Variants in GULP1 observed in about 807,000 individuals in gnomAD.
GULP1 encodes the protein GULP PTB domain containing engulfment adaptor 1, also known as PTB domain-containing engulfment adapter protein 1.
Under a neutral mutation model 40.9 loss-of-function variants are expected in GULP1, and 19 were observed. That is an observed-to-expected ratio of 0.46 (90% CI 0.32 to 0.68). GULP1 has a LOEUF of 0.68. Ranked by LOEUF, GULP1 falls within the 30% of genes least tolerant of loss-of-function variation. The pLI, the probability that GULP1 is intolerant of heterozygous loss-of-function variation, is 0.03. For missense variants in GULP1, 312 were observed against 362.2 expected, an observed-to-expected ratio of 0.86 and a Z score of 1.12; for synonymous variants, 119 against 117.6, an observed-to-expected ratio of 1.01 and a Z score of -0.08.
At chr2:188,547,430 C>T (rs1203494002) in intron 7 of GULP1, among the ~76,000 whole-genome samples, 1 of 152,070 alleles carries the variant, frequency 6.6e-6, no homozygotes, top group Non-Finnish European at 1.5e-5. Flanking sequence ...ATAGGCCCAT[C>T]TGCAAGCTGA....
chr2:188,572,659 T>C (rs1375196618), intron 9 of GULP1, among the ~76,000 whole-genome samples: 1 of 152,234 alleles, frequency 6.6e-6, no homozygotes, highest in Non-Finnish European at 1.5e-5. Flanking sequence ...CTTAAAATCT[T>C]ATCATATGAT....
chr2:188,499,866 C>T (rs536800686), intron 4 of GULP1, among the ~76,000 whole-genome samples: 5 of 151,890 alleles, frequency 3.3e-5, no homozygotes, highest in Admixed American at 6.6e-5. Context: ...CAACCTTCTG[C>T]ATTGAAGTAT....
At chr2:188,592,443 G>T (rs1396571603) in intron 11 of GULP1, 2 of 151,884 alleles carry the variant, frequency 1.3e-5, no homozygotes, top group African/African-American at 4.8e-5. Flanking sequence ...TTTGCTGGCT[G>T]TTTGAAAAAT....
chr2:188,570,452 T>G (rs1342659540), intron 9 of GULP1, among the ~76,000 whole-genome samples: 1 of 152,206 alleles, frequency 6.6e-6, no homozygotes, highest in East Asian at 1.9e-4. Flanking sequence ...TGGGTTAGAT[T>G]TAATGACCTA....
intron 1 of GULP1, among the ~76,000 whole-genome samples, chr2:188,330,667 CA>C (rs2041447138): frequency 6.6e-6 from 1 of 151,956 alleles, no homozygotes; most frequent in Admixed American, 6.6e-5. Context: ...TCTTTATTAC[CA>C]AAAACAGTAG....
chr2:188,565,839 T>C (rs891181378), intron 7 of GULP1, among the ~76,000 whole-genome samples: 2 of 152,070 alleles, frequency 1.3e-5, no homozygotes, highest in African/African-American at 4.8e-5. Context: ...GAAATGCTAA[T>C]CAGCAACAAA....
At chr2:188,344,636 T>C (rs543999033) in intron 1 of GULP1, among the ~76,000 whole-genome samples, 1 of 152,176 alleles carries the variant, frequency 6.6e-6, no homozygotes, top group African/African-American at 2.4e-5. Flanking sequence ...ATTTCCAGAA[T>C]TGATTTCAGA....
At chr2:188,297,279 C>G (rs1050364052) in intron 1 of GULP1, among the ~76,000 whole-genome samples, 2 of 151,846 alleles carry the variant, frequency 1.3e-5, no homozygotes, top group African/African-American at 4.8e-5. Context: ...TGATGGCATA[C>G]TCATGGAAGC....
intron 2 of GULP1, among the ~76,000 whole-genome samples, chr2:188,446,077 C>T (rs757166485): frequency 6.6e-6 from 1 of 152,164 alleles, no homozygotes. Context: ...GACCCATATT[C>T]ATTTCCCTAC....
intron 4 of GULP1, among the ~76,000 whole-genome samples, chr2:188,484,828 G>C (rs2061726492): frequency 6.6e-6 from 1 of 152,112 alleles, no homozygotes; most frequent in Non-Finnish European, 1.5e-5. Flanking sequence ...TGACTTACCA[G>C]CAAAGAAATC....
intron 2 of GULP1, among the ~76,000 whole-genome samples, chr2:188,391,233 C>G (rs528612208): frequency 2.6e-5 from 4 of 152,180 alleles, no homozygotes; most frequent in African/African-American, 9.6e-5. Context: ...TCTTCCAATC[C>G]ATGAGCATGG....
chr2:188,459,762 A>G (rs1001146150), intron 2 of GULP1, among the ~76,000 whole-genome samples: 2 of 152,122 alleles, frequency 1.3e-5, no homozygotes, highest in Admixed American at 1.3e-4. Flanking sequence ...TTCTTATAGT[A>G]GTTTCATAAT....
intron 7 of GULP1, among the ~76,000 whole-genome samples, chr2:188,564,591 A>T (rs1302588472): frequency 6.6e-6 from 1 of 151,950 alleles, no homozygotes; most frequent in Non-Finnish European, 1.5e-5. Context: ...TGGGAGAAAG[A>T]TACCATGTTT....
intron 1 of GULP1, among the ~76,000 whole-genome samples, chr2:188,319,156 T>G (rs2106549616): frequency 6.6e-6 from 1 of 152,332 alleles, no homozygotes; most frequent in Admixed American, 6.5e-5. Context: ...ATATTTGCAT[T>G]AAATGTTAAT....
chr2:188,460,878 A>G (rs2059647864), intron 2 of GULP1, among the ~76,000 whole-genome samples: 1 of 152,204 alleles, frequency 6.6e-6, no homozygotes, highest in African/African-American at 2.4e-5. Context: ...AATTTTCAGC[A>G]TCAATTGCAA....
At chr2:188,553,294 T>C (rs147391785) in intron 7 of GULP1, among the ~76,000 whole-genome samples, 1 of 152,040 alleles carries the variant, frequency 6.6e-6, no homozygotes, top group Non-Finnish European at 1.5e-5. Context: ...ATTTCTTCCT[T>C]CAGTGTGACA....
intron 2 of GULP1, among the ~76,000 whole-genome samples, chr2:188,402,566 A>C (rs1276054290): frequency 2.0e-5 from 3 of 151,966 alleles, no homozygotes; most frequent in Non-Finnish European, 4.4e-5. Flanking sequence ...ATTTCAATAG[A>C]GATTTGGAGT....
At chr2:188,462,428 C>A (rs764205343) in intron 2 of GULP1, among the ~76,000 whole-genome samples, 1 of 152,138 alleles carries the variant, frequency 6.6e-6, no homozygotes, top group Non-Finnish European at 1.5e-5. Context: ...CTGTAAATAC[C>A]TATTAGCTCC....
chr2:188,560,082 A>G (rs1695857393), intron 7 of GULP1, among the ~76,000 whole-genome samples: 2 of 152,186 alleles, frequency 1.3e-5, no homozygotes, highest in Non-Finnish European at 2.9e-5. Context: ...AAAGTGGACT[A>G]ATACAGTGAG....
Sources: gnomAD v4.1 joint callset for allele counts (sites outside exome capture counted in the v4.1 genomes callset) on GRCh38, gnomAD v4.1.1 for gene constraint, MANE v1.5 for transcripts, NCBI Gene and HGNC (gene_info 2026-07-23, HGNC 2026-07-21) for gene names.